The following CCDC32 variants were observed in gnomAD, a reference collection of about 807,000 sequenced individuals.
CCDC32 encodes coiled-coil domain containing 32.
A neutral mutation model predicts 20.1 loss-of-function variants in CCDC32; 9 were observed. That is an observed-to-expected ratio of 0.45 (90% CI 0.27 to 0.78). The LOEUF is 0.78. Among genes scored for constraint, CCDC32 ranks in the 30% least tolerant of loss-of-function variants. The pLI is 0.16. For synonymous variants in CCDC32, 63 were observed against 79.0 expected (o/e 0.80, Z 1.07); for missense variants, 204 against 215.5 (o/e 0.95, Z 0.33).
the CCDC32 span, among the ~76,000 whole-genome samples, chr15:40,522,504 T>C: frequency 3.3e-5 from 5 of 152,242 alleles, no homozygotes; most frequent in Admixed American, 2.0e-4. Context: ...AATCCAGCTG[T>C]GATTTTGCTG....
chr15:40,535,511 A>G, downstream of CCDC32: 2 of 986,688 alleles, frequency 2.0e-6, no homozygotes, highest in Non-Finnish European at 2.4e-6. Context: ...GGGCCTATAG[A>G]TTTATAGTTT....
chr15:40,545,470 A>T (rs1889579836), intron 3 of CCDC32, among the ~76,000 whole-genome samples: 1 of 32,776 alleles, frequency 3.1e-5, no homozygotes, highest in South Asian at 1.1e-3. Context: ...GGGAAAAGAA[A>T]ACCTTTAGAG....
At chr15:40,544,576 TG>T (rs550943068) in intron 3 of CCDC32, among the ~76,000 whole-genome samples, 148 of 152,268 alleles carry the variant, frequency 9.7e-4, no homozygotes, top group African/African-American at 3.5e-3. Context: ...CTTCCTAAAC[TG>T]GAATCATGTC....
At chr15:40,535,903 C>G (rs1212094683), downstream of CCDC32, 1 of 153,706 alleles carries the variant, frequency 6.5e-6, no homozygotes, top group Non-Finnish European at 1.4e-5. Context: ...CCTGTGGGAC[C>G]AAATTGTGGA....
chr15:40,532,117 CAAG>C (rs1388551417), downstream of CCDC32: 5 of 533,096 alleles, frequency 9.4e-6, no homozygotes, highest in Non-Finnish European at 1.7e-5. Flanking sequence ...GGTTCTCGCT[CAAG>C]GTGTTCACTT....
At chr15:40,538,883 A>G, downstream of CCDC32, 1 of 262,032 alleles carries the variant, frequency 3.8e-6, no homozygotes, top group East Asian at 8.1e-5. Flanking sequence ...CTCTGAGTAT[A>G]GGGAACTGAC....
downstream of CCDC32, among the ~76,000 whole-genome samples, chr15:40,526,528 G>T (rs1894902461): frequency 6.6e-6 from 1 of 152,094 alleles, no homozygotes; most frequent in Non-Finnish European, 1.5e-5. Flanking sequence ...TCCATTACAA[G>T]TAATGCTGCA....
At chr15:40,521,083 T>TG in the CCDC32 span, among the ~76,000 whole-genome samples, 1 of 152,138 alleles carries the variant, frequency 6.6e-6, no homozygotes, top group Non-Finnish European at 1.5e-5. Context: ...TCGAGTAGGC[T>TG]GAGGAGGAGG....
At chr15:40,560,818 C>T (rs952801409) in intron 2 of CCDC32, among the ~76,000 whole-genome samples, 1 of 152,120 alleles carries the variant, frequency 6.6e-6, no homozygotes, top group Non-Finnish European at 1.5e-5. Context: ...GGAGATTTCT[C>T]AAAGAACTAA....
intron 3 of CCDC32, among the ~76,000 whole-genome samples, chr15:40,544,832 T>C (rs1889546815): frequency 6.6e-6 from 1 of 152,234 alleles, no homozygotes; most frequent in African/African-American, 2.4e-5. Context: ...CTCTGTCCTC[T>C]AGTTGTGTAG....
chr15:40,544,106 T>C (rs1424671880), intron 3 of CCDC32, among the ~76,000 whole-genome samples: 1 of 152,156 alleles, frequency 6.6e-6, no homozygotes, highest in Non-Finnish European at 1.5e-5. Context: ...GGTGGGACTG[T>C]TTACCACAGT....
chr15:40,539,523 A>G (rs995351181), intron 3 of CCDC32, among the ~76,000 whole-genome samples: 2 of 152,066 alleles, frequency 1.3e-5, no homozygotes, highest in Admixed American at 6.6e-5. Flanking sequence ...ACTGCAGGAA[A>G]AATAAAGCAA....
At chr15:40,535,033 G>C (rs764553656), downstream of CCDC32, 12 of 712,544 alleles carry the variant, frequency 1.7e-5, no homozygotes, top group Non-Finnish European at 3.0e-5. Context: ...AAGGAAATCA[G>C]TTTGGGAAAG....
At position 40,553,701 on chromosome 15, in the gene CCDC32, G is replaced by A. The variant is rs1890022969; in HGVS notation, c.*270C>T. 2 of 1,232,388 alleles carry A rather than the reference G, an allele frequency of 1.6e-6. No homozygotes were observed. Among genetic ancestry groups the A allele is most frequent in the East Asian group, 4.0e-5 (1 of 24,856 alleles). The allele number at this position is 1,232,388 out of a possible 1,614,324, so 76.3% of individuals were successfully genotyped here. A position where few individuals can be genotyped will look rare whatever the true frequency, so the allele number is the denominator to read the frequency against. ...CTCAGCCAAGCTGTGAGACACAGAG[G>A]AAAGCAGCATTTTGATCCAGTGTGC... On this transcript the variant is annotated 3_prime_UTR_variant, in exon 4 of 4. Transcript: ENST00000416810.
At chr15:40,539,465 G>A in intron 3 of CCDC32, 1 of 943,988 alleles carries the variant, frequency 1.1e-6, no homozygotes, top group Non-Finnish European at 1.6e-6. Flanking sequence ...CACCGAGAGT[G>A]CGAAGGTGCG....
chr15:40,523,334 G>A, the CCDC32 span, among the ~76,000 whole-genome samples: 5,174 of 151,644 alleles, frequency 0.034, 294 homozygotes, highest in African/African-American at 0.12. Context: ...GAGAAACCCC[G>A]TCTCCACTAA....
At position 40,562,893 on chromosome 15, in the gene CCDC32, G is replaced by C; in HGVS notation, c.123C>G (p.Asp41Glu). The change falls in exon 2 of 4, where the codon GAC (aspartate) becomes GAG (glutamate). Residue 41 changes from aspartate (D) to glutamate (E), a missense_variant. Transcript: ENST00000416810. Reference sequence around the variant, plus strand: ...CTTCAGGGCAAGAATCCACAAAGGAGTCTGAGAATGCATTGTTGGCACCAT... The same window carrying C: ...CTTCAGGGCAAGAATCCACAAAGGACTCTGAGAATGCATTGTTGGCACCAT... ...QEDGANNAFS[D>E]SFVDSCPEGE... 1.2e-6 allele frequency: 2 copies of C among 1,614,252 alleles called. No homozygotes were observed. The highest frequency in any genetic ancestry group is 1.7e-6 in the Non-Finnish European group (2 of 1,180,056).
chr15:40,525,394 C>T (rs531433716), downstream of CCDC32, among the ~76,000 whole-genome samples: 100 of 151,606 alleles, frequency 6.6e-4, 1 homozygote, highest in African/African-American at 2.3e-3. Flanking sequence ...AACTCCTGAC[C>T]TTAGGTAATC....
At chr15:40,535,042 A>G (rs763224490), downstream of CCDC32, 3 of 717,680 alleles carry the variant, frequency 4.2e-6, no homozygotes, top group South Asian at 2.9e-5. Context: ...AGTTTGGGAA[A>G]GTCCTGGGGG....
Sources: gnomAD v4.1 joint callset for allele counts (sites outside exome capture counted in the v4.1 genomes callset) on GRCh38, gnomAD v4.1.1 for gene constraint, MANE v1.5 for transcripts, NCBI Gene and HGNC (gene_info 2026-07-23, HGNC 2026-07-21) for gene names.